The following NCAM1 variants were observed in gnomAD, a reference collection of about 807,000 sequenced individuals.
NCAM1 encodes neural cell adhesion molecule 1, also known as antigen recognized by monoclonal antibody 5.1H11.
A neutral mutation model predicts 109.8 loss-of-function variants in NCAM1; 14 were observed. The ratio of observed to expected loss-of-function variants is 0.13; its 90% CI spans 0.08 to 0.20. The LOEUF is 0.20. Among genes scored for constraint, NCAM1 ranks in the 10% least tolerant of loss-of-function variants. NCAM1 has a pLI of 1.00. For missense variants in NCAM1, 774 were observed against 1,109.9 expected (o/e 0.70, Z 4.30); for synonymous variants, 418 against 442.9 (o/e 0.94, Z 0.70).
At chr11:113,118,176 A>G (rs1555095261) in intron 1 of NCAM1, among the ~76,000 whole-genome samples, 1 of 151,802 alleles carries the variant, frequency 6.6e-6, no homozygotes, top group African/African-American at 2.4e-5. Flanking sequence ...TAATCATAGT[A>G]TCTAGGTACT....
At chr11:113,241,754 A>T (rs1356035706) in intron 14 of NCAM1, among the ~76,000 whole-genome samples, 1 of 152,214 alleles carries the variant, frequency 6.6e-6, no homozygotes. Flanking sequence ...GCTCAGTAAG[A>T]CACAGGATGT....
At chr11:113,244,654 CGTGT>C (rs55798470) in intron 14 of NCAM1, among the ~76,000 whole-genome samples, 69,582 of 149,632 alleles carry the variant, frequency 0.47, 16,127 homozygotes, top group East Asian at 0.56. Flanking sequence ...TGTGTGTGTG[CGTGT>C]GTGTGTGTGT....
At chr11:113,153,389 G>A (rs911275925) in intron 1 of NCAM1, among the ~76,000 whole-genome samples, 4 of 152,048 alleles carry the variant, frequency 2.6e-5, no homozygotes, top group African/African-American at 9.7e-5. Flanking sequence ...GATATTTAGA[G>A]AGAATTGACA....
chr11:113,096,199 G>C (rs976130880), intron 1 of NCAM1, among the ~76,000 whole-genome samples: 1 of 152,164 alleles, frequency 6.6e-6, no homozygotes, highest in East Asian at 1.9e-4. Flanking sequence ...ACTCCAGGCT[G>C]AGCTGGGTCT....
At chr11:113,242,898 G>A (rs1235058401) in intron 14 of NCAM1, 5 of 1,613,138 alleles carry the variant, frequency 3.1e-6, no homozygotes, top group African/African-American at 2.7e-5. Context: ...GCTTGTTGTA[G>A]AGCCGACTTC....
intron 1 of NCAM1, among the ~76,000 whole-genome samples, chr11:113,149,846 A>G (rs1207978252): frequency 2.6e-5 from 4 of 152,246 alleles, no homozygotes; most frequent in East Asian, 1.9e-4. Flanking sequence ...CCTCACAAAT[A>G]GAATTTTGGA....
intron 1 of NCAM1, among the ~76,000 whole-genome samples, chr11:113,119,963 T>C (rs1389192150): frequency 1.3e-5 from 2 of 152,214 alleles, no homozygotes; most frequent in Non-Finnish European, 2.9e-5. Context: ...AAAATGAAAG[T>C]GGCTTTGCTA....
intron 1 of NCAM1, among the ~76,000 whole-genome samples, chr11:113,095,454 G>A (rs901670964): frequency 6.6e-6 from 1 of 152,194 alleles, no homozygotes; most frequent in Non-Finnish European, 1.5e-5. Context: ...ACACAGTCCA[G>A]CAATTGCTTG....
intron 1 of NCAM1, among the ~76,000 whole-genome samples, chr11:113,180,426 T>A (rs1472630802): frequency 6.6e-6 from 1 of 152,204 alleles, no homozygotes; most frequent in African/African-American, 2.4e-5. Flanking sequence ...AAACAAACTT[T>A]TAGAGGTAAA....
chr11:113,263,357 CTG>C (rs1946060616), intron 17 of NCAM1: 6 of 996,024 alleles, frequency 6.0e-6, no homozygotes, highest in Non-Finnish European at 7.2e-6. Context: ...CATTCTAACT[CTG>C]TGCTCCTTGT....
intron 1 of NCAM1, among the ~76,000 whole-genome samples, chr11:113,032,602 G>A (rs1952755776): frequency 6.6e-6 from 1 of 152,242 alleles, no homozygotes; most frequent in African/African-American, 2.4e-5. Flanking sequence ...AGAAAAAGGA[G>A]TGGGGTTTGG....
chr11:113,011,975 C>T (rs1450421041), intron 1 of NCAM1, among the ~76,000 whole-genome samples: 1 of 110,878 alleles, frequency 9.0e-6, no homozygotes, highest in African/African-American at 3.0e-5. Flanking sequence ...TTCCTTCCTT[C>T]CTTCCTTCCT....
chr11:113,091,472 T>C (rs1939341090), intron 1 of NCAM1, among the ~76,000 whole-genome samples: 1 of 152,158 alleles, frequency 6.6e-6, no homozygotes, highest in Non-Finnish European at 1.5e-5. Context: ...CAGCTTATAA[T>C]AACTGGAAAT....
intron 1 of NCAM1, among the ~76,000 whole-genome samples, chr11:112,989,078 C>G (rs1261957188): frequency 2.0e-5 from 3 of 152,054 alleles, no homozygotes; most frequent in African/African-American, 7.2e-5. Flanking sequence ...TAATGTGCCT[C>G]GGAATGTTCT....
chr11:113,224,780 T>G (rs1591434964), intron 9 of NCAM1, among the ~76,000 whole-genome samples: 1 of 152,214 alleles, frequency 6.6e-6, no homozygotes, highest in African/African-American at 2.4e-5. Context: ...TTCACCAATA[T>G]TCGCTGTTCT....
At chr11:113,271,096 G>C (rs1591476963) in intron 18 of NCAM1, among the ~76,000 whole-genome samples, 1 of 152,120 alleles carries the variant, frequency 6.6e-6, no homozygotes, top group Non-Finnish European at 1.5e-5. Context: ...TGTATGTATA[G>C]GGGTGACTCA....
At chr11:112,983,618 G>C (rs1951214069) in intron 1 of NCAM1, among the ~76,000 whole-genome samples, 1 of 151,908 alleles carries the variant, frequency 6.6e-6, no homozygotes, top group Non-Finnish European at 1.5e-5. Context: ...AAGATTTCCA[G>C]ACTGAAAATG....
chr11:113,229,884 G>C (rs1386138656), intron 9 of NCAM1, among the ~76,000 whole-genome samples: 2 of 152,040 alleles, frequency 1.3e-5, no homozygotes, highest in Admixed American at 6.5e-5. Flanking sequence ...ATTGAACAAT[G>C]AGAACACTTG....
intron 1 of NCAM1, chr11:113,003,907 G>T (rs1215146300): frequency 6.6e-6 from 1 of 152,166 alleles, no homozygotes; most frequent in African/African-American, 2.4e-5. Context: ...GTCAGTATCA[G>T]TCTTGCTAAA....
Sources: gnomAD v4.1 joint callset for allele counts (sites outside exome capture counted in the v4.1 genomes callset) on GRCh38, gnomAD v4.1.1 for gene constraint, MANE v1.5 for transcripts, NCBI Gene and HGNC (gene_info 2026-07-23, HGNC 2026-07-21) for gene names.